The following SLC35F1 variants were observed in gnomAD, a reference collection of about 807,000 sequenced individuals.
The protein encoded by SLC35F1 is solute carrier family 35 member F1, also known as chromosome 6 open reading frame 169.
A neutral mutation model predicts 48.7 loss-of-function variants in SLC35F1; 14 were observed. The ratio of observed to expected loss-of-function variants is 0.29; its 90% CI spans 0.19 to 0.45. The LOEUF is 0.45. SLC35F1 is among the 20% of genes least tolerant of loss of function. The pLI is 1.00. For missense variants in SLC35F1, 404 were observed against 500.0 expected (o/e 0.81, Z 1.83); for synonymous variants, 190 against 202.2 (o/e 0.94, Z 0.51).
intron 1 of SLC35F1, among the ~76,000 whole-genome samples, chr6:118,044,747 C>A (rs935611535): frequency 2.0e-5 from 3 of 152,122 alleles, no homozygotes; most frequent in African/African-American, 7.2e-5. Flanking sequence ...AATCTTCTTT[C>A]TCCTCCTGTC....
chr6:118,092,350 GGTTTGGCAACCT>G (rs1773087015), intron 1 of SLC35F1, among the ~76,000 whole-genome samples: 12 of 152,190 alleles, frequency 7.9e-5, no homozygotes, highest in African/African-American at 2.9e-4. Context: ...CAAGAACTTA[GGTTTGGCAACCT>G]CCACCTAGAT....
chr6:118,170,762 A>C (rs543933402), intron 2 of SLC35F1, among the ~76,000 whole-genome samples: 1 of 152,104 alleles, frequency 6.6e-6, no homozygotes, highest in South Asian at 2.1e-4. Flanking sequence ...GTTTACTTTA[A>C]TCTTTTAAAT....
intron 6 of SLC35F1, among the ~76,000 whole-genome samples, chr6:118,282,957 G>A (rs1776001409): frequency 6.6e-6 from 1 of 152,166 alleles, no homozygotes; most frequent in Admixed American, 6.5e-5. Context: ...CCACAGAGTA[G>A]CCAAAATCAC....
rs533907947 is a variant in SLC35F1 at position 118,281,519 on chromosome 6, G to A, written c.848-3665G>A. Among the ~76,000 whole-genome samples, 4 of 152,226 alleles carry A rather than the reference G, an allele frequency of 2.6e-5. No individual in the cohort carries two copies. In the South Asian group the frequency reaches 8.3e-4, roughly 32 times the overall value. On this transcript the variant is annotated intron_variant, in intron 6 of 7. Transcript: ENST00000360388. ...CAATGGGAGGCAGTAGAGGGAGATT[G>A]GAGGTGGGAGAAAGAAAGAAAGAAA...
chr6:117,968,134 T>C (rs1776594389), intron 1 of SLC35F1, among the ~76,000 whole-genome samples: 1 of 152,206 alleles, frequency 6.6e-6, no homozygotes. Flanking sequence ...ACTGCAGAAA[T>C]GCATTCGTGT....
intron 1 of SLC35F1, among the ~76,000 whole-genome samples, chr6:118,152,769 C>A (rs1774081432): frequency 6.6e-6 from 1 of 152,174 alleles, no homozygotes; most frequent in Admixed American, 6.5e-5. Flanking sequence ...GAGAAAGAGA[C>A]CCCTGCCTCC....
rs563672816 is a variant in SLC35F1 at position 118,079,614 on chromosome 6, G to A, written c.174-74831G>A. Among the ~76,000 whole-genome samples, 7 of 152,266 alleles carry A rather than the reference G, an allele frequency of 4.6e-5. No individual in the cohort carries two copies. The East Asian group carries it at 7.7e-4, about 17-fold the overall frequency. On this transcript the variant is annotated intron_variant, in intron 1 of 7. Transcript: ENST00000360388. Reference sequence around the variant, plus strand: ...GAACTTGTGACTGCTTACTCCATACGTGACTGAAGTGGGCAGGATGCTTTG... The same window carrying A: ...GAACTTGTGACTGCTTACTCCATACATGACTGAAGTGGGCAGGATGCTTTG...
rs1775490687 is a variant in SLC35F1, at chr6:118,245,122, A to G, written c.477+9486A>G. 2.0e-5 allele frequency among the ~76,000 whole-genome samples: 3 copies of G among 152,370 alleles called. No individual in the cohort carries two copies. The South Asian group carries it at 6.2e-4, about 32-fold the overall frequency. ...ACATAGAATGGATGCAGGTTCATTC[A>G]TGCTACACTTGGATGTCCAAAGAAA... is the stretch of plus-strand genomic sequence containing the variant. On this transcript the variant is annotated intron_variant, in intron 3 of 7. Transcript: ENST00000360388.
chr6:118,304,561 G>C (rs982342494), intron 7 of SLC35F1, among the ~76,000 whole-genome samples: 1 of 152,076 alleles, frequency 6.6e-6, no homozygotes, highest in African/African-American at 2.4e-5. Flanking sequence ...AAATGCATTT[G>C]CAATTCAAAT....
intron 1 of SLC35F1, among the ~76,000 whole-genome samples, chr6:117,995,383 A>G (rs1180763351): frequency 6.6e-6 from 1 of 152,228 alleles, no homozygotes; most frequent in Non-Finnish European, 1.5e-5. Context: ...TGTCTTGTAT[A>G]CCTGACACCT....
chr6:118,168,544 A>G (rs1220761821), intron 2 of SLC35F1, among the ~76,000 whole-genome samples: 1 of 152,206 alleles, frequency 6.6e-6, no homozygotes, highest in Non-Finnish European at 1.5e-5. Context: ...ACTTATTTTC[A>G]GACGGTGGTT....
chr6:117,978,262 C>T (rs1776729298), intron 1 of SLC35F1, among the ~76,000 whole-genome samples: 2 of 152,062 alleles, frequency 1.3e-5, no homozygotes, highest in African/African-American at 4.8e-5. Context: ...AAAGAATATT[C>T]CTATGGAAAA....
intron 1 of SLC35F1, among the ~76,000 whole-genome samples, chr6:118,130,085 A>T (rs1773687598): frequency 6.6e-6 from 1 of 152,192 alleles, no homozygotes; most frequent in Non-Finnish European, 1.5e-5. Flanking sequence ...TGTTATGGGC[A>T]GTTTGAGATA....
At chr6:118,023,471 T>C (rs573087923) in intron 1 of SLC35F1, among the ~76,000 whole-genome samples, 1 of 152,308 alleles carries the variant, frequency 6.6e-6, no homozygotes, top group East Asian at 1.9e-4. Flanking sequence ...GATACTTCTC[T>C]TTGAACATCT....
chr6:118,023,419 C>G (rs1334769488), intron 1 of SLC35F1, among the ~76,000 whole-genome samples: 1 of 152,078 alleles, frequency 6.6e-6, no homozygotes, highest in Non-Finnish European at 1.5e-5. Context: ...ATAGGGAATC[C>G]TTATGGGGAT....
intron 1 of SLC35F1, among the ~76,000 whole-genome samples, chr6:118,148,769 C>T (rs1774012387): frequency 6.6e-6 from 1 of 152,166 alleles, no homozygotes; most frequent in African/African-American, 2.4e-5. Flanking sequence ...GTACAAAATT[C>T]CAACCGGCAC....
intron 3 of SLC35F1, among the ~76,000 whole-genome samples, chr6:118,257,186 C>G (rs1461819576): frequency 1.3e-5 from 2 of 152,074 alleles, no homozygotes; most frequent in Non-Finnish European, 2.9e-5. Flanking sequence ...CTCTCTGTCT[C>G]TCTCCATCTT....
intron 1 of SLC35F1, among the ~76,000 whole-genome samples, chr6:118,035,813 C>G (rs999345322): frequency 2.6e-4 from 37 of 143,120 alleles, no homozygotes; most frequent in African/African-American, 9.1e-4. Context: ...CCTCAGCCCC[C>G]ACATAGCTGG....
At chr6:118,209,746 C>G (rs1774979333) in intron 2 of SLC35F1, among the ~76,000 whole-genome samples, 1 of 152,014 alleles carries the variant, frequency 6.6e-6, no homozygotes, top group Non-Finnish European at 1.5e-5. Flanking sequence ...GACCCCTGGC[C>G]AGTAGAGTAC....
Sources: gnomAD v4.1 joint callset for allele counts (sites outside exome capture counted in the v4.1 genomes callset) on GRCh38, gnomAD v4.1.1 for gene constraint, MANE v1.5 for transcripts, NCBI Gene and HGNC (gene_info 2026-07-23, HGNC 2026-07-21) for gene names.